Variants in MEIS1 observed in about 807,000 individuals in gnomAD.
The protein encoded by MEIS1 is Meis homeobox 1.
Under a neutral mutation model 50.8 loss-of-function variants are expected in MEIS1, and 5 were observed. The ratio of observed to expected loss-of-function variants is 0.10; its 90% confidence interval spans 0.05 to 0.21. The LOEUF (loss-of-function observed/expected upper bound fraction) is 0.21, where lower values mean the gene tolerates loss of function less well. Among genes scored for constraint, MEIS1 ranks in the 10% least tolerant of loss-of-function variants. The pLI is 1.00. For synonymous variants in MEIS1, 176 were observed against 179.3 expected, an observed-to-expected ratio of 0.98 and a Z score of 0.15; for missense variants, 318 against 517.3, an observed-to-expected ratio of 0.61 and a Z score of 3.74.
intron 5 of MEIS1, among the ~76,000 whole-genome samples, chr2:66,442,426 A>G (rs1672013145): frequency 6.6e-6 from 1 of 152,106 alleles, no homozygotes; most frequent in Non-Finnish European, 1.5e-5. Flanking sequence ...CCTTCATTAC[A>G]AATATAATAA....
chr2:66,569,010 C>T, intron 11 of MEIS1, 40 bp from the exon 12 acceptor site: 10 of 1,581,288 alleles, frequency 6.3e-6, no homozygotes, highest in African/African-American at 1.3e-5. Context: ...TGACTTTGCT[C>T]ATTTTCTGGC....
intron 8 of MEIS1, among the ~76,000 whole-genome samples, chr2:66,519,263 T>C (rs1421241966): frequency 1.3e-5 from 2 of 152,166 alleles, no homozygotes; most frequent in Non-Finnish European, 2.9e-5. Flanking sequence ...CAAGCTTACC[T>C]TTGATAGATT....
At chr2:66,512,336 A>G (rs759547421) in intron 8 of MEIS1, 42 bp downstream of exon 8, 1 of 1,565,394 alleles carries the variant, frequency 6.4e-7, no homozygotes, top group Non-Finnish European at 8.6e-7. Context: ...AAATATGGAC[A>G]ATGAACCAGT....
At position 66,566,825 on chromosome 2, in the gene MEIS1, C is replaced by A. The variant is rs200748499; in HGVS notation, c.966-628C>A. ...ACATAAAGAGCAAAAAAAAAAAAAA[C>A]AACAACAACAAAAAAAGCCACCCCA... On this transcript the variant is annotated intron_variant, in intron 9 of 12. Transcript: ENST00000272369. Among the ~76,000 whole-genome samples, 87 of 70,026 alleles carry A rather than the reference C, an allele frequency of 1.2e-3. 2 individuals are homozygous for A. Among genetic ancestry groups the A allele is most frequent in the East Asian group, 9.6e-3 (23 of 2,398 alleles). The allele number at this position is 70,026 out of a possible 152,430, so 45.9% of individuals were successfully genotyped here.
intron 8 of MEIS1, among the ~76,000 whole-genome samples, chr2:66,533,778 T>C (rs754022306): frequency 7.2e-5 from 11 of 152,168 alleles, no homozygotes; most frequent in Non-Finnish European, 1.5e-4. Flanking sequence ...GGCCCGTCTA[T>C]GTGGGGGTCC....
intron 7 of MEIS1, among the ~76,000 whole-genome samples, chr2:66,490,639 C>A (rs1207458140): frequency 6.6e-6 from 1 of 151,900 alleles, no homozygotes; most frequent in Non-Finnish European, 1.5e-5. Flanking sequence ...TAGGTTTTTT[C>A]CCCCATTGCA....
chr2:66,479,399 G>A (rs1305378588), intron 7 of MEIS1, among the ~76,000 whole-genome samples: 1 of 152,168 alleles, frequency 6.6e-6, no homozygotes, highest in East Asian at 1.9e-4. Flanking sequence ...GTGGGAAAAG[G>A]ATATGCTGGA....
intron 9 of MEIS1, among the ~76,000 whole-genome samples, chr2:66,564,670 C>T: frequency 6.6e-6 from 1 of 151,548 alleles, no homozygotes; most frequent in East Asian, 1.9e-4. Flanking sequence ...GCTTACAGTA[C>T]CCCAAGGAGT....
At chr2:66,516,124 G>T (rs538205894) in intron 8 of MEIS1, among the ~76,000 whole-genome samples, 14 of 152,262 alleles carry the variant, frequency 9.2e-5, no homozygotes, top group African/African-American at 3.4e-4. Context: ...AAAATCAAGG[G>T]TCTCTTTTCT....
Position 66,474,376 on chromosome 2 carries a change from GT to G in MEIS1, c.742+10161del, listed in dbSNP as rs141752374. Among the ~76,000 whole-genome samples the G allele has an allele frequency of 8.6e-3, 1,305 of 152,222 alleles. 20 individuals are homozygous for G. Among genetic ancestry groups the G allele is most frequent in the African/African-American group, 0.029 (1,206 of 41,526 alleles). The stretch of plus-strand genomic sequence containing the variant: ...GGTAACTATGCTACCCTGGGAGGAT[GT>G]TTTTATGTCCTATGCCCTTCCCAGT... On this transcript the variant is annotated intron_variant, in intron 7 of 12. Coordinates refer to ENST00000272369, the MANE Select transcript of MEIS1 (RefSeq NM_002398.3).
At chr2:66,472,254 C>T (rs1395303460) in intron 7 of MEIS1, among the ~76,000 whole-genome samples, 1 of 152,188 alleles carries the variant, frequency 6.6e-6, no homozygotes, top group Non-Finnish European at 1.5e-5. Context: ...TGGTGTCATT[C>T]TTGGCAAGGC....
intron 7 of MEIS1, among the ~76,000 whole-genome samples, chr2:66,489,193 A>C (rs1161494158): frequency 6.6e-6 from 1 of 152,224 alleles, no homozygotes; most frequent in African/African-American, 2.4e-5. Flanking sequence ...TGCACACTTA[A>C]TTCTTAGCAA....
At position 66,437,935 on chromosome 2, in the gene MEIS1, T is replaced by C; in HGVS notation, c.211T>C (p.Leu71=). 1 of 1,589,586 alleles carries C rather than the reference T, an allele frequency of 6.3e-7. No homozygotes were observed. Among genetic ancestry groups the C allele is most frequent in the Non-Finnish European group, 8.6e-7 (1 of 1,167,558 alleles). ...CATGGGCTCCTCTGTCAATGACGCT[T>C]TAAAGAGAGATAAAGATGCCATTTA... is the stretch of plus-strand genomic sequence containing the variant. The part of the protein sequence containing the change: ...PSMGSSVNDA[L]KRDKDAIYGH... The change falls in exon 2 of 13, where the codon TTA becomes CTA. Residue 71 remains leucine, a synonymous_variant. Coordinates refer to ENST00000272369, the MANE Select transcript of MEIS1 (RefSeq NM_002398.3).
chr2:66,444,567 AGT>A (rs2103694383), intron 6 of MEIS1, among the ~76,000 whole-genome samples: 1 of 152,352 alleles, frequency 6.6e-6, no homozygotes, highest in East Asian at 1.9e-4. Flanking sequence ...AACTTTCGGC[AGT>A]GTAGTCCATT....
chr2:66,497,486 G>T (rs537737494), intron 7 of MEIS1, among the ~76,000 whole-genome samples: 14 of 152,268 alleles, frequency 9.2e-5, no homozygotes, highest in Admixed American at 3.9e-4. Flanking sequence ...AGAAGAGATG[G>T]AAAGTTAGTC....
At chr2:66,569,264 T>A (rs1265949631) in intron 12 of MEIS1, 119 bp downstream of exon 12, 1 of 822,652 alleles carries the variant, frequency 1.2e-6, no homozygotes, top group Admixed American at 2.8e-5. Flanking sequence ...ATTAAACTCC[T>A]GGTTTCTTGC....
chr2:66,543,251 A>G (rs1480786471), intron 8 of MEIS1, among the ~76,000 whole-genome samples: 1 of 152,144 alleles, frequency 6.6e-6, no homozygotes, highest in Non-Finnish European at 1.5e-5. Flanking sequence ...TACCCTAAGG[A>G]TCATTTTATT....
chr2:66,530,590 C>G (rs1323668163), intron 8 of MEIS1, among the ~76,000 whole-genome samples: 1 of 152,140 alleles, frequency 6.6e-6, no homozygotes, highest in Non-Finnish European at 1.5e-5. Flanking sequence ...GTGGCAGGCA[C>G]CTGTAGTCCC....
intron 7 of MEIS1, among the ~76,000 whole-genome samples, 169 bp from the exon 8 acceptor site, chr2:66,511,980 C>A (rs1673842593): frequency 6.6e-6 from 1 of 152,086 alleles, no homozygotes; most frequent in Non-Finnish European, 1.5e-5. Context: ...GAGCCTAGGC[C>A]TTGTTCTTTC....
Sources: allele counts gnomAD v4.1 joint callset (sites outside exome capture counted in the v4.1 genomes callset), GRCh38; gene constraint gnomAD v4.1.1; transcripts MANE v1.5; gene names NCBI Gene and HGNC (gene_info 2026-07-23, HGNC 2026-07-21).